The following RRP12 variants were observed in gnomAD, a reference collection of about 807,000 sequenced individuals.
The protein encoded by RRP12 is ribosomal RNA processing 12 homolog.
Under a neutral mutation model 157.3 loss-of-function variants are expected in RRP12, and 78 were observed. The observed-to-expected ratio is 0.50, with a 90% CI of 0.41 to 0.60. The LOEUF (loss-of-function observed/expected upper bound fraction) is 0.60. RRP12 is among the 20% of genes least tolerant of loss of function. The probability of loss-of-function intolerance (pLI) is 0.00; values close to 1 mark genes in which losing one functional copy is unlikely to be tolerated. For synonymous variants in RRP12, 726 were observed against 670.9 expected (o/e 1.08, Z -1.27); for missense variants, 1,521 against 1,679.9 (o/e 0.91, Z 1.65).
chr10:97,390,644 G>T, intron 5 of RRP12, 95 bp downstream of exon 5: 1 of 1,334,402 alleles, frequency 7.5e-7, no homozygotes, highest in Non-Finnish European at 1.1e-6. Context: ...GAGGTCCCCA[G>T]GGTGCCTAAA....
chr10:97,385,762 G>A, intron 9 of RRP12, 133 bp downstream of exon 9: 1 of 641,506 alleles, frequency 1.6e-6, no homozygotes, highest in Non-Finnish European at 2.8e-6. Context: ...CCTTCTACTG[G>A]CCTCTTCCAC....
chr10:97,396,177 C>T (rs1267532783), intron 3 of RRP12, 41 bp downstream of exon 3: 1 of 1,410,198 alleles, frequency 7.1e-7, no homozygotes, highest in Admixed American at 1.7e-5. Flanking sequence ...CTTGCATAAC[C>T]TGCTGCTCTG....
In RRP12 at chr10:97,396,223, C is replaced by G; in HGVS notation, c.448G>C (p.Ala150Pro). The G allele has an allele frequency of 6.2e-7, 1 of 1,611,260 alleles. No homozygotes were observed. Among genetic ancestry groups the G allele is most frequent in the Non-Finnish European group, 8.5e-7 (1 of 1,177,508 alleles). ...CTCCAGTGGCACCCACTCACCAGAG[C>G]AGCGAAGTACTCAGTCTCCGTCTCC... ...GKETETEYFAALMTTMEAVES... is the reference protein window; with the variant it reads ...GKETETEYFAPLMTTMEAVES... Residue 150 changes from alanine to proline, a missense_variant, in exon 3 of 34, where the codon GCT becomes CCT. Coordinates refer to ENST00000370992, the MANE Select transcript of RRP12 (RefSeq NM_015179.4).
At chr10:97,362,353 T>C (rs1843867454) in intron 30 of RRP12, among the ~76,000 whole-genome samples, 1 of 152,038 alleles carries the variant, frequency 6.6e-6, no homozygotes, top group Admixed American at 6.5e-5. Context: ...TGTGAAGATG[T>C]GCTTAAGGAA....
At chr10:97,380,649 A>T (rs940896073) in intron 13 of RRP12, 150 bp downstream of exon 13, 6 of 622,088 alleles carry the variant, frequency 9.6e-6, no homozygotes, top group Non-Finnish European at 1.7e-5. Context: ...GTCACCTTCC[A>T]GGGGATACTG....
chr10:97,385,546 C>T (rs908966712), intron 9 of RRP12, among the ~76,000 whole-genome samples: 2 of 151,550 alleles, frequency 1.3e-5, no homozygotes. Flanking sequence ...AAAAAACGTA[C>T]ATTTTGCTAA....
At chr10:97,364,980 C>T (rs764300515) in intron 29 of RRP12, among the ~76,000 whole-genome samples, 7 of 152,108 alleles carry the variant, frequency 4.6e-5, no homozygotes, top group Non-Finnish European at 7.3e-5. Flanking sequence ...ACACTAGACA[C>T]GGAAATATAA....
At chr10:97,373,784 T>C in intron 16 of RRP12, 46 bp downstream of exon 16, 1 of 1,612,896 alleles carries the variant, frequency 6.2e-7, no homozygotes, top group Non-Finnish European at 8.5e-7. Context: ...CAGCCACCTG[T>C]GCCCCTGTGT....
intron 29 of RRP12, 96 bp downstream of exon 29, chr10:97,366,012 T>C (rs11189168): frequency 0.34 from 509,447 of 1,505,916 alleles, 88,364 homozygotes; most frequent in African/African-American, 0.54. Flanking sequence ...GAGAGAAGAG[T>C]TTCTCTGGTC....
rs1381495425 is a variant in RRP12 at position 97,401,270 on chromosome 10, G to A, written c.-39C>T. ...TGGCGAGGAATGAGCTTAAATGACC[G>A]GCTTCCAGGGACGTAGAAACACGCT... On this transcript the variant is annotated 5_prime_UTR_variant, in exon 1 of 34. Coordinates refer to ENST00000370992, the MANE Select transcript of RRP12 (RefSeq NM_015179.4). The A allele has an allele frequency of 1.9e-6, 3 of 1,611,542 alleles. No individual in the cohort carries two copies. The highest frequency in any genetic ancestry group is 1.1e-5 in the South Asian group (1 of 91,026).
chr10:97,361,646 T>C (rs1162269570), intron 30 of RRP12, among the ~76,000 whole-genome samples: 1 of 152,046 alleles, frequency 6.6e-6, no homozygotes, highest in Non-Finnish European at 1.5e-5. Context: ...GGGCTCCTAG[T>C]GGAGAAACAG....
intron 33 of RRP12, among the ~76,000 whole-genome samples, chr10:97,357,684 C>T (rs909280637): frequency 2.6e-5 from 4 of 152,230 alleles, no homozygotes; most frequent in Admixed American, 6.5e-5. Flanking sequence ...TATGGCTGGG[C>T]GTGGTGGCTC....
At chr10:97,360,283 G>A (rs973653328) in intron 31 of RRP12, among the ~76,000 whole-genome samples, 1 of 152,184 alleles carries the variant, frequency 6.6e-6, no homozygotes, top group Non-Finnish European at 1.5e-5. Context: ...CTGGGCGGGT[G>A]GGAAGGAGCT....
chr10:97,388,016 C>T (rs1232260150), intron 8 of RRP12: 2 of 519,714 alleles, frequency 3.8e-6, no homozygotes, highest in Non-Finnish European at 6.8e-6. Flanking sequence ...TTTACCAGCC[C>T]ACTACAGATC....
chr10:97,381,874 C>T, intron 10 of RRP12, 48 bp from the exon 11 acceptor site: 1 of 1,422,126 alleles, frequency 7.0e-7, no homozygotes, highest in Non-Finnish European at 9.8e-7. Context: ...GCCCTGGGGA[C>T]CCGGGCAACC....
intron 33 of RRP12, among the ~76,000 whole-genome samples, chr10:97,357,696 T>C (rs558685297): frequency 4.5e-4 from 68 of 152,256 alleles, no homozygotes; most frequent in African/African-American, 1.3e-3. Context: ...TGGTGGCTCA[T>C]GCCTGTAATC....
chr10:97,376,032 G>A (rs1028114031), intron 15 of RRP12, among the ~76,000 whole-genome samples: 2 of 151,962 alleles, frequency 1.3e-5, no homozygotes, highest in African/African-American at 4.8e-5. Flanking sequence ...AAACCTGGGA[G>A]GTGGAGGTTG....
intron 10 of RRP12, among the ~76,000 whole-genome samples, chr10:97,382,544 C>A (rs1844500185): frequency 6.6e-6 from 1 of 152,084 alleles, no homozygotes; most frequent in South Asian, 2.1e-4. Flanking sequence ...TATTATTTTT[C>A]CATTTTATAG....
chr10:97,389,963 T>C (rs538633433), intron 6 of RRP12, among the ~76,000 whole-genome samples: 2 of 152,268 alleles, frequency 1.3e-5, no homozygotes, highest in South Asian at 2.1e-4. Context: ...TCCTCCCACT[T>C]TGGCCTCCCA....
Sources: allele counts gnomAD v4.1 joint callset (sites outside exome capture counted in the v4.1 genomes callset), GRCh38; gene constraint gnomAD v4.1.1; transcripts MANE v1.5; gene names NCBI Gene and HGNC (gene_info 2026-07-23, HGNC 2026-07-21).